The following MPPED2 variants were observed in gnomAD, a reference collection of about 807,000 sequenced individuals.
MPPED2 encodes metallophosphoesterase MPPED2.
MPPED2 carries 5 observed loss-of-function variants against 33.0 expected under a neutral mutation model. The observed-to-expected ratio is 0.15, with a 90% CI of 0.08 to 0.32. MPPED2 has a LOEUF of 0.32. Ranked by LOEUF, MPPED2 falls within the 10% of genes least tolerant of loss-of-function variation. The pLI, the probability that MPPED2 is intolerant of heterozygous loss-of-function variation, is 1.00. For synonymous variants in MPPED2, 136 were observed against 141.9 expected (o/e 0.96, Z 0.29); for missense variants, 275 against 372.1 (o/e 0.74, Z 2.15).
chr11:30,482,901 C>T (rs1951553772), intron 4 of MPPED2, among the ~76,000 whole-genome samples: 1 of 152,192 alleles, frequency 6.6e-6, no homozygotes, highest in East Asian at 1.9e-4. Context: ...AGTTCAAACT[C>T]TGTAGAAGGT....
downstream of MPPED2, among the ~76,000 whole-genome samples, chr11:30,409,861 G>A (rs1303897965): frequency 1.3e-5 from 2 of 152,160 alleles, no homozygotes; most frequent in Non-Finnish European, 2.9e-5. Context: ...GGGAAAATGA[G>A]AATGTGCAGT....
chr11:30,425,303 G>A (rs906547286), intron 4 of MPPED2, among the ~76,000 whole-genome samples: 4 of 152,046 alleles, frequency 2.6e-5, no homozygotes, highest in East Asian at 1.9e-4. Flanking sequence ...CTCTGTTACC[G>A]ATTTTCTTTT....
chr11:30,493,384 A>AAG (rs1432452633), intron 4 of MPPED2, among the ~76,000 whole-genome samples: 3 of 145,680 alleles, frequency 2.1e-5, no homozygotes, highest in African/African-American at 7.3e-5. Flanking sequence ...AAAAAAAAAA[A>AAG]AAAGAAAATA....
chr11:30,407,284 G>A (rs2133717970), downstream of MPPED2, among the ~76,000 whole-genome samples: 1 of 152,370 alleles, frequency 6.6e-6, no homozygotes, highest in South Asian at 2.1e-4. Context: ...GTGAGGTGGA[G>A]AGGAAAGATT....
At chr11:30,524,148 G>C (rs1405352465) in intron 3 of MPPED2, among the ~76,000 whole-genome samples, 1 of 152,146 alleles carries the variant, frequency 6.6e-6, no homozygotes, top group Non-Finnish European at 1.5e-5. Context: ...TACTCAGTGG[G>C]AGGCTGAGGC....
At chr11:30,437,106 A>T (rs1183498637) in intron 4 of MPPED2, among the ~76,000 whole-genome samples, 1 of 152,196 alleles carries the variant, frequency 6.6e-6, no homozygotes, top group Non-Finnish European at 1.5e-5. Flanking sequence ...CTCTATCAGG[A>T]AATTAACTTT....
At chr11:30,439,962 C>A (rs1215845430) in intron 4 of MPPED2, among the ~76,000 whole-genome samples, 1 of 152,202 alleles carries the variant, frequency 6.6e-6, no homozygotes, top group Non-Finnish European at 1.5e-5. Context: ...AGGTAAAGAC[C>A]TTGACATACG....
rs778760705 is a variant in MPPED2, at chr11:30,511,499, T to C, written c.311-15978A>G. Among the ~76,000 whole-genome samples, 9 of 152,314 alleles carry C rather than the reference T, an allele frequency of 5.9e-5. No individual in the cohort carries two copies. The Middle Eastern group carries it at 0.01, about 173-fold the overall frequency. ...GGTGTCTTTGAGGGGGATAAGTCAA[T>C]ATTTTCTGTCTGTCTAGCCCTTTTT... On this transcript the variant is annotated intron_variant, in intron 3 of 6. Transcript: ENST00000358117.
At chr11:30,548,982 A>C (rs1955574274) in intron 2 of MPPED2, among the ~76,000 whole-genome samples, 1 of 152,234 alleles carries the variant, frequency 6.6e-6, no homozygotes, top group Non-Finnish European at 1.5e-5. Context: ...CATCATGACT[A>C]CAGTTGTGAC....
At chr11:30,541,341 T>C (rs1955100008) in intron 2 of MPPED2, among the ~76,000 whole-genome samples, 1 of 152,226 alleles carries the variant, frequency 6.6e-6, no homozygotes, top group Non-Finnish European at 1.5e-5. Flanking sequence ...TATTATTGTT[T>C]TTCCAATAAC....
At chr11:30,405,100 A>T (rs922442595) in intron 6 of MPPED2, among the ~76,000 whole-genome samples, 9 of 152,166 alleles carry the variant, frequency 5.9e-5, no homozygotes, top group African/African-American at 2.2e-4. Context: ...GCTTCCAGAA[A>T]ATAGGAGTTC....
At chr11:30,439,699 A>G (rs567964078) in intron 4 of MPPED2, among the ~76,000 whole-genome samples, 2 of 152,334 alleles carry the variant, frequency 1.3e-5, no homozygotes, top group African/African-American at 4.8e-5. Context: ...ATTGCCTCCT[A>G]TAGCCCAAGT....
rs72887260 is a variant in MPPED2 at position 30,479,270 on chromosome 11, G to A, written c.536+16026C>T. ...AAACCACTTCAAAATAAGGTCACCG[G>A]AGACCTGACGTAGATGACTGGATCT... On this transcript the variant is annotated intron_variant, in intron 4 of 6. Transcript: ENST00000358117. Among the ~76,000 whole-genome samples the A allele has an allele frequency of 4.1e-3, 631 of 152,184 alleles. 2 individuals are homozygous for A. The highest frequency in any genetic ancestry group is 7.1e-3 in the Non-Finnish European group (483 of 67,972).
intron 6 of MPPED2, among the ~76,000 whole-genome samples, chr11:30,402,536 G>C (rs974518313): frequency 6.6e-6 from 1 of 152,136 alleles, no homozygotes; most frequent in Non-Finnish European, 1.5e-5. Context: ...TGAGATCAGA[G>C]AGACAAATCT....
intron 3 of MPPED2, among the ~76,000 whole-genome samples, chr11:30,514,329 A>G (rs1953398556): frequency 6.6e-6 from 1 of 152,182 alleles, no homozygotes; most frequent in South Asian, 2.1e-4. Flanking sequence ...GGAAGGAATG[A>G]CCTTGTTTTT....
chr11:30,539,770 G>A (rs1012714063), intron 2 of MPPED2, among the ~76,000 whole-genome samples: 2 of 152,036 alleles, frequency 1.3e-5, no homozygotes, highest in African/African-American at 4.8e-5. Context: ...ATGGGCACAG[G>A]CAACCACACC....
intron 6 of MPPED2, among the ~76,000 whole-genome samples, chr11:30,395,742 T>A (rs1947832694): frequency 6.6e-6 from 1 of 152,216 alleles, no homozygotes; most frequent in East Asian, 1.9e-4. Context: ...ATTATAAGTC[T>A]TTAATTTAAT....
chr11:30,486,383 A>G (rs1270094750), intron 4 of MPPED2, among the ~76,000 whole-genome samples: 1 of 152,198 alleles, frequency 6.6e-6, no homozygotes. Flanking sequence ...GACGCTAAGA[A>G]CTCAATCACT....
chr11:30,487,292 C>T (rs977981457), intron 4 of MPPED2, among the ~76,000 whole-genome samples: 7 of 152,172 alleles, frequency 4.6e-5, no homozygotes, highest in African/African-American at 1.7e-4. Flanking sequence ...TGACTGCAGC[C>T]GAAGTACACT....
Sources: allele counts gnomAD v4.1 joint callset (sites outside exome capture counted in the v4.1 genomes callset), GRCh38; gene constraint gnomAD v4.1.1; transcripts MANE v1.5; gene names NCBI Gene and HGNC (gene_info 2026-07-23, HGNC 2026-07-21).